Variants in CNTNAP5 observed in about 807,000 individuals in gnomAD.
CNTNAP5 encodes contactin-associated protein-like 5.
In CNTNAP5, 72 loss-of-function variants were observed where a neutral mutation model predicts 150.2. The ratio of observed to expected loss-of-function variants is 0.48; its 90% CI spans 0.40 to 0.58. The LOEUF (loss-of-function observed/expected upper bound fraction) is 0.58. Ranked by LOEUF, CNTNAP5 falls within the 20% of genes least tolerant of loss-of-function variation. The pLI, the probability that CNTNAP5 is intolerant of heterozygous loss-of-function variation, is 0.00. For missense variants in CNTNAP5, 1,636 were observed against 1,626.2 expected (o/e 1.01, Z -0.10); for synonymous variants, 672 against 619.8 (o/e 1.08, Z -1.25).
intron 12 of CNTNAP5, among the ~76,000 whole-genome samples, chr2:124,612,954 A>G (rs1677416863): frequency 6.6e-6 from 1 of 152,150 alleles, no homozygotes; most frequent in Admixed American, 6.5e-5. Context: ...TTGGAGGCTG[A>G]GGCAGGAGAA....
At chr2:124,749,119 A>T (rs1680667146) in intron 14 of CNTNAP5, among the ~76,000 whole-genome samples, 1 of 152,162 alleles carries the variant, frequency 6.6e-6, no homozygotes, top group Admixed American at 6.5e-5. Flanking sequence ...GGCACCTATG[A>T]GCTTGGGAGG....
chr2:124,757,521 G>A (rs946626701), intron 14 of CNTNAP5, among the ~76,000 whole-genome samples: 1 of 152,196 alleles, frequency 6.6e-6, no homozygotes, highest in Non-Finnish European at 1.5e-5. Flanking sequence ...GGAGACATTG[G>A]TGGTTATAGG....
chr2:124,039,449 C>T (rs1681307855), intron 1 of CNTNAP5, among the ~76,000 whole-genome samples: 2 of 152,198 alleles, frequency 1.3e-5, no homozygotes, highest in African/African-American at 4.8e-5. Context: ...GCAGTGCTCC[C>T]TCCACCGCTT....
intron 3 of CNTNAP5, among the ~76,000 whole-genome samples, chr2:124,349,264 G>T (rs1415525229): frequency 6.6e-6 from 1 of 152,178 alleles, no homozygotes; most frequent in African/African-American, 2.4e-5. Context: ...CACCTGTACA[G>T]CCTGGTACAG....
At chr2:124,603,888 A>G (rs995254665) in intron 11 of CNTNAP5, among the ~76,000 whole-genome samples, 1 of 152,242 alleles carries the variant, frequency 6.6e-6, no homozygotes, top group Non-Finnish European at 1.5e-5. Flanking sequence ...TTAACAATCA[A>G]AGTGACTATT....
intron 12 of CNTNAP5, among the ~76,000 whole-genome samples, chr2:124,611,124 C>A (rs909989678): frequency 5.9e-5 from 9 of 152,126 alleles, no homozygotes; most frequent in African/African-American, 2.2e-4. Context: ...CTCATTGAGC[C>A]TTCAGGCCTC....
At chr2:124,419,152 A>AAAAAAAAAAAAAAAAAAAAAAAAAAAAC (rs772412223) in intron 4 of CNTNAP5, among the ~76,000 whole-genome samples, 4 of 120,916 alleles carry the variant, frequency 3.3e-5, no homozygotes, top group Non-Finnish European at 5.5e-5. Context: ...AAAAAAAAAA[A>AAAAAAAAAAAAAAAAAAAAAAAAAAAAC]AAAAAAAAAA....
At chr2:124,743,872 A>G (rs1157741652) in intron 13 of CNTNAP5, among the ~76,000 whole-genome samples, 1 of 152,192 alleles carries the variant, frequency 6.6e-6, no homozygotes, top group South Asian at 2.1e-4. Flanking sequence ...TTCTAAAAAA[A>G]TGCCCTGATT....
intron 1 of CNTNAP5, among the ~76,000 whole-genome samples, chr2:124,043,060 A>G (rs1272048895): frequency 6.6e-6 from 1 of 152,072 alleles, no homozygotes; most frequent in Admixed American, 6.6e-5. Flanking sequence ...AATAGTCTTT[A>G]ATTTGTCTTT....
chr2:124,543,077 T>C (rs1695427034), intron 10 of CNTNAP5, among the ~76,000 whole-genome samples: 1 of 152,180 alleles, frequency 6.6e-6, no homozygotes, highest in Non-Finnish European at 1.5e-5. Flanking sequence ...AATACTGCTC[T>C]ATTTGAATAG....
chr2:124,789,943 C>T lies in CNTNAP5; in HGVS notation c.2794C>T (p.Arg932Cys). 3 of 1,613,712 alleles carry T rather than the reference C, an allele frequency of 1.9e-6. No homozygotes were observed. The highest frequency in any genetic ancestry group is 1.1e-5 in the South Asian group (1 of 91,086). The change falls in exon 18 of 24, where the codon CGC becomes TGC. Residue 932 changes from arginine (R) to cysteine (C), a missense_variant. Arg to Cys is a radical substitution (Grantham distance 180, BLOSUM62 -3). Transcript: ENST00000682447. The part of the protein sequence containing the change: ...SRQKGFLGCI[R>C]SLHLNGQKMD... ...ACAGAAAGGCTTCCTAGGATGCATT[C>T]GCTCCTTACACTTGAATGGACAGAA...
intron 18 of CNTNAP5, among the ~76,000 whole-genome samples, chr2:124,792,176 T>C (rs531027160): frequency 6.6e-6 from 1 of 152,292 alleles, no homozygotes; most frequent in African/African-American, 2.4e-5. Context: ...AGGGTCTTTT[T>C]TTCATTACCA....
At chr2:124,651,710 C>T (rs1678326250) in intron 13 of CNTNAP5, among the ~76,000 whole-genome samples, 1 of 152,122 alleles carries the variant, frequency 6.6e-6, no homozygotes, top group African/African-American at 2.4e-5. Context: ...GTATAAATTT[C>T]CTTATTGTGT....
intron 1 of CNTNAP5, among the ~76,000 whole-genome samples, chr2:124,026,932 C>G (rs1317230305): frequency 6.6e-6 from 1 of 152,174 alleles, no homozygotes; most frequent in East Asian, 1.9e-4. Context: ...GACAATTGGA[C>G]AAATGTGGTG....
At chr2:124,509,197 G>A (rs1694495350) in intron 8 of CNTNAP5, among the ~76,000 whole-genome samples, 1 of 152,214 alleles carries the variant, frequency 6.6e-6, no homozygotes, top group Non-Finnish European at 1.5e-5. Flanking sequence ...TAGGAAGGAA[G>A]TAGTTCTTAT....
chr2:124,496,047 G>C (rs1282019746), intron 7 of CNTNAP5, among the ~76,000 whole-genome samples: 1 of 151,924 alleles, frequency 6.6e-6, no homozygotes, highest in Non-Finnish European at 1.5e-5. Context: ...TAGGTGGGCG[G>C]GTCTGAGTCT....
At chr2:124,482,215 C>A (rs1693776821) in intron 7 of CNTNAP5, among the ~76,000 whole-genome samples, 1 of 152,178 alleles carries the variant, frequency 6.6e-6, no homozygotes, top group African/African-American at 2.4e-5. Flanking sequence ...GACAAGGCCA[C>A]AGATCACGGT....
intron 13 of CNTNAP5, among the ~76,000 whole-genome samples, chr2:124,706,610 G>C (rs535663361): frequency 1.3e-5 from 2 of 151,910 alleles, no homozygotes; most frequent in African/African-American, 4.8e-5. Context: ...AGCGGCTCAT[G>C]GTGGTACATG....
chr2:124,825,078 A>G (rs969784798), intron 19 of CNTNAP5, among the ~76,000 whole-genome samples: 4 of 152,228 alleles, frequency 2.6e-5, no homozygotes, highest in African/African-American at 9.6e-5. Context: ...AGAGGACAAT[A>G]GAAAAACCTG....
Sources: allele counts gnomAD v4.1 joint callset (sites outside exome capture counted in the v4.1 genomes callset), GRCh38; gene constraint gnomAD v4.1.1; transcripts MANE v1.5; gene names NCBI Gene and HGNC (gene_info 2026-07-23, HGNC 2026-07-21).